Variants in GRM4 observed in about 807,000 individuals in gnomAD.
The protein encoded by GRM4 is metabotropic glutamate receptor 4.
GRM4 carries 28 observed loss-of-function variants against 81.7 expected under a neutral mutation model. The ratio of observed to expected loss-of-function variants is 0.34; its 90% CI spans 0.25 to 0.47. GRM4 has a LOEUF of 0.47. Among genes scored for constraint, GRM4 ranks in the 20% least tolerant of loss-of-function variants. GRM4 has a pLI of 1.00. For synonymous variants in GRM4, 488 were observed against 528.8 expected, an observed-to-expected ratio of 0.92 and a Z score of 1.06; for missense variants, 948 against 1,290.0, an observed-to-expected ratio of 0.73 and a Z score of 4.06.
chr6:34,135,420 C>T (rs1363888202), intron 1 of GRM4, among the ~76,000 whole-genome samples: 2 of 152,198 alleles, frequency 1.3e-5, no homozygotes, highest in South Asian at 2.1e-4. Context: ...TGCAGGTGAA[C>T]CGGTAGCCCA....
chr6:34,150,521 G>T (rs547954110), upstream of GRM4, among the ~76,000 whole-genome samples: 1 of 152,104 alleles, frequency 6.6e-6, no homozygotes, highest in Non-Finnish European at 1.5e-5. Context: ...TGAGTGGGGT[G>T]GGTGAAGGAG....
intron 2 of GRM4, among the ~76,000 whole-genome samples, chr6:34,105,008 G>C (rs1321681858): frequency 1.3e-5 from 2 of 152,198 alleles, no homozygotes; most frequent in Non-Finnish European, 2.9e-5. Context: ...AGCACTGAGT[G>C]CCAGCAGTGG....
rs71000021 is a variant in GRM4, at chr6:34,069,167, T to TACACACACACACACAC, written c.737-7155_737-7140dup. On this transcript the variant is annotated intron_variant, in intron 3 of 10. Transcript: ENST00000538487. This position sits in a 1 kb window ranked among gnomAD's most constrained non-coding sequence, Gnocchi z 6.4. ...CTACCCCTGGACCCTCATGGGCGTA[T>TACACACACACACACAC]ACACACACACACACACACACACACA... Among the ~76,000 whole-genome samples the TACACACACACACACAC allele has an allele frequency of 6.7e-5, 9 of 134,606 alleles. No homozygotes were observed. Among genetic ancestry groups the TACACACACACACACAC allele is most frequent in the Admixed American group, 2.2e-4 (3 of 13,788 alleles). The allele number at this position is 134,606 out of a possible 152,430, so 88.3% of individuals were successfully genotyped here. A position where few individuals can be genotyped will look rare whatever the true frequency, so the allele number is the denominator to read the frequency against.
At chr6:34,030,127 G>A (rs1314105007) in intron 9 of GRM4, among the ~76,000 whole-genome samples, 1 of 152,266 alleles carries the variant, frequency 6.6e-6, no homozygotes, top group Non-Finnish European at 1.5e-5. Flanking sequence ...GCCAGGGTGA[G>A]AAGGCAGGAA....
chr6:34,099,208 C>T (rs565762170), intron 2 of GRM4, among the ~76,000 whole-genome samples: 3 of 152,214 alleles, frequency 2.0e-5, no homozygotes, highest in Non-Finnish European at 2.9e-5. Context: ...GCCACAGGGG[C>T]TTCCCAGGCC....
intron 2 of GRM4, among the ~76,000 whole-genome samples, chr6:34,124,661 A>G (rs376738757): frequency 1.3e-5 from 2 of 152,028 alleles, no homozygotes; most frequent in South Asian, 4.1e-4. Context: ...GCTTCTCTAA[A>G]CTCCCCAAGT....
chr6:34,058,845 G>T (rs1294308566), intron 5 of GRM4, 129 bp downstream of exon 5: 2 of 720,442 alleles, frequency 2.8e-6, no homozygotes, highest in Middle Eastern at 3.8e-4. Flanking sequence ...AACATAAGAG[G>T]CTGTGGGCCA....
chr6:34,141,048 A>G (rs1425306053), intron 1 of GRM4, among the ~76,000 whole-genome samples: 1 of 152,228 alleles, frequency 6.6e-6, no homozygotes, highest in African/African-American at 2.4e-5. Flanking sequence ...CTTTATTTCT[A>G]TATTTAAACC....
chr6:34,132,657 G>A (rs1335285816), intron 2 of GRM4, among the ~76,000 whole-genome samples: 2 of 151,898 alleles, frequency 1.3e-5, no homozygotes, highest in African/African-American at 4.8e-5. Context: ...TTTCCTCCTG[G>A]TACAGAATTC....
At chr6:34,045,705 G>T (rs1250898305) in intron 6 of GRM4, among the ~76,000 whole-genome samples, 1 of 152,192 alleles carries the variant, frequency 6.6e-6, no homozygotes, top group Non-Finnish European at 1.5e-5. Flanking sequence ...TGGCAGTGAA[G>T]AGAAAGGGGT....
rs550836949 is a variant in GRM4, at chr6:34,035,470, C to T, written c.2442+198G>A. Among the ~76,000 whole-genome samples the T allele has an allele frequency of 1.4e-5, 2 of 141,920 alleles. No individual in the cohort carries two copies. Among genetic ancestry groups the T allele is most frequent in the African/African-American group, 5.9e-5 (2 of 33,986 alleles). 93.1% of individuals were successfully genotyped at this position (141,920 alleles called of 152,430 possible). Reference sequence around the variant, plus strand: ...GAGAAAGAGGAGAGAAAACCCAGAACCCAGAGAGAAAACTTGCAGCTGGGA... The same window carrying T: ...GAGAAAGAGGAGAGAAAACCCAGAATCCAGAGAGAAAACTTGCAGCTGGGA... On this transcript the variant is annotated intron_variant, in intron 9 of 10. Transcript: ENST00000538487. This position sits in a 1 kb window ranked among gnomAD's most constrained non-coding sequence, Gnocchi z 6.6.
chr6:34,110,874 G>C (rs1046836113), intron 2 of GRM4: 1 of 1,305,938 alleles, frequency 7.7e-7, no homozygotes, highest in African/African-American at 1.5e-5. Flanking sequence ...TGAGGAGATA[G>C]CAGGAAGTTC....
chr6:34,054,951 C>T (rs566631327), intron 6 of GRM4: 1 of 152,224 alleles, frequency 6.6e-6, no homozygotes, highest in African/African-American at 2.4e-5. Flanking sequence ...GCCTCCACAC[C>T]CAGGCATCTT....
At chr6:34,072,647 ACAC>A (rs1451742749) in intron 3 of GRM4, among the ~76,000 whole-genome samples, 6 of 148,804 alleles carry the variant, frequency 4.0e-5, no homozygotes, top group Non-Finnish European at 8.9e-5. Context: ...CCACACACAC[ACAC>A]ATCACCACAT....
chr6:34,073,625 G>A (rs1028574730), intron 3 of GRM4, among the ~76,000 whole-genome samples: 1 of 151,950 alleles, frequency 6.6e-6, no homozygotes, highest in African/African-American at 2.4e-5. Flanking sequence ...CAAGCAGGCG[G>A]TGCCCACCGT....
chr6:34,086,178 C>T (rs2127482275), intron 3 of GRM4, among the ~76,000 whole-genome samples: 1 of 152,354 alleles, frequency 6.6e-6, no homozygotes, highest in East Asian at 1.9e-4. Context: ...TGGGGTGCTC[C>T]ATTTACAGCC....
Position 34,034,529 on chromosome 6 carries a change from G to A in GRM4, c.2442+1139C>T, listed in dbSNP as rs1022750122. Among the ~76,000 whole-genome samples, 3 of 152,302 alleles carry A rather than the reference G, an allele frequency of 2.0e-5. No individual in the cohort carries two copies. Among genetic ancestry groups the A allele is most frequent in the East Asian group, 1.9e-4 (1 of 5,184 alleles). On this transcript the variant is annotated intron_variant, in intron 9 of 10. Transcript: ENST00000538487. The surrounding 1 kb of genome is among the most constrained non-coding windows in gnomAD (Gnocchi z 4.0). The stretch of plus-strand genomic sequence containing the variant: ...CCTCACCTGCTCAGAAGCCTGCAGC[G>A]GCCTCTCTTCTCACTCATGGTAAAA...
At chr6:34,045,959 C>A (rs1765342381) in intron 6 of GRM4, among the ~76,000 whole-genome samples, 1 of 152,210 alleles carries the variant, frequency 6.6e-6, no homozygotes, top group African/African-American at 2.4e-5. Flanking sequence ...GGAGGATTTT[C>A]TCTGTCAAAA....
At chr6:34,103,961 A>G in intron 2 of GRM4, 1 of 725,452 alleles carries the variant, frequency 1.4e-6, no homozygotes, top group Non-Finnish European at 1.9e-6. Context: ...AGGAGGTGCG[A>G]CAGGGGCTCA....
Sources: allele counts gnomAD v4.1 joint callset (sites outside exome capture counted in the v4.1 genomes callset), GRCh38; gene constraint gnomAD v4.1.1; non-coding constraint Gnocchi (gnomAD v3.1); transcripts MANE v1.5; gene names NCBI Gene and HGNC (gene_info 2026-07-23, HGNC 2026-07-21).